Variants in SEMA3E observed in about 807,000 individuals in gnomAD.
The protein encoded by SEMA3E is semaphorin-3E.
SEMA3E carries 49 observed loss-of-function variants against 93.6 expected under a neutral mutation model. The ratio of observed to expected loss-of-function variants is 0.52; its 90% CI spans 0.42 to 0.66. The LOEUF (loss-of-function observed/expected upper bound fraction) is 0.66. Ranked by LOEUF, SEMA3E falls within the 30% of genes least tolerant of loss-of-function variation. SEMA3E has a pLI of 0.00. For synonymous variants in SEMA3E, 363 were observed against 330.7 expected (o/e 1.10, Z -1.06); for missense variants, 906 against 964.8 (o/e 0.94, Z 0.81).
intron 1 of SEMA3E, among the ~76,000 whole-genome samples, chr7:83,636,463 G>C (rs1245360212): frequency 6.6e-6 from 1 of 152,082 alleles, no homozygotes; most frequent in Non-Finnish European, 1.5e-5. Flanking sequence ...TATATAGATA[G>C]AATTAAATTC....
chr7:83,565,735 C>A (rs992572126), intron 1 of SEMA3E, among the ~76,000 whole-genome samples: 1 of 152,018 alleles, frequency 6.6e-6, no homozygotes, highest in African/African-American at 2.4e-5. Context: ...TACAGAATAA[C>A]TACATTGTCC....
At position 83,480,201 on chromosome 7, in the gene SEMA3E, G is replaced by A. The variant is rs1165805492; in HGVS notation, c.276+9913C>T. ...CACGCCTGTAATCCTAGCACTTTGA[G>A]AGACCTAGGCAGGTAGATTACCTGA... On this transcript the variant is annotated intron_variant, in intron 2 of 16. Coordinates refer to ENST00000643230, the MANE Select transcript of SEMA3E (RefSeq NM_012431.3). Among the ~76,000 whole-genome samples the A allele has an allele frequency of 2.6e-5, 4 of 152,148 alleles. No individual in the cohort carries two copies. In the South Asian group the frequency reaches 6.2e-4, roughly 24 times the overall value.
intron 1 of SEMA3E, among the ~76,000 whole-genome samples, chr7:83,637,024 G>GTC (rs1793894483): frequency 1.3e-5 from 2 of 148,926 alleles, no homozygotes; most frequent in Admixed American, 1.3e-4. Flanking sequence ...ATGTGTGAGA[G>GTC]TGTGTGTGTG....
chr7:83,629,135 A>G (rs1044657394), intron 1 of SEMA3E, among the ~76,000 whole-genome samples: 1 of 152,118 alleles, frequency 6.6e-6, no homozygotes, highest in Non-Finnish European at 1.5e-5. Context: ...TCACCAGTGG[A>G]GGCTGCAAAA....
chr7:83,566,454 C>T (rs1792158586), intron 1 of SEMA3E, among the ~76,000 whole-genome samples: 1 of 152,048 alleles, frequency 6.6e-6, no homozygotes, highest in African/African-American at 2.4e-5. Context: ...CAGAGTAGTT[C>T]ACATATTTTA....
intron 1 of SEMA3E, among the ~76,000 whole-genome samples, chr7:83,578,300 T>TG (rs1792450213): frequency 6.6e-6 from 1 of 152,122 alleles, no homozygotes; most frequent in African/African-American, 2.4e-5. Flanking sequence ...AAAGATAGAA[T>TG]CCTCCCAGCA....
Position 83,649,128 on chromosome 7 carries a change from T to C in SEMA3E, c.-586A>G, listed in dbSNP as rs1484079049. 6.5e-6 allele frequency: 1 copy of C among 154,412 alleles called. No individual in the cohort carries two copies. The highest frequency in any genetic ancestry group is 1.4e-5 in the Non-Finnish European group (1 of 69,554). 9.6% of individuals were successfully genotyped at this position (154,412 alleles called of 1,614,324 possible). A position where few individuals can be genotyped will look rare whatever the true frequency, so the allele number is the denominator to read the frequency against. On this transcript the variant is annotated 5_prime_UTR_variant, in exon 1 of 17. Transcript: ENST00000643230. ...TGTCAGTGGCTGTTTACAGGAAAGT[T>C]CAGGCAGGGTTGAGCAGCGTACTTG...
At chr7:83,646,649 A>G (rs968859588) in intron 1 of SEMA3E, among the ~76,000 whole-genome samples, 2 of 152,078 alleles carry the variant, frequency 1.3e-5, no homozygotes, top group Admixed American at 1.3e-4. Flanking sequence ...CTCACACCAT[A>G]TGACACCACT....
At chr7:83,576,993 G>T (rs1265499476) in intron 1 of SEMA3E, among the ~76,000 whole-genome samples, 5 of 151,998 alleles carry the variant, frequency 3.3e-5, no homozygotes. Context: ...TAATAAGTTT[G>T]CTTTATATCA....
intron 2 of SEMA3E, among the ~76,000 whole-genome samples, chr7:83,470,426 C>G (rs1165685913): frequency 1.3e-5 from 2 of 152,008 alleles, no homozygotes; most frequent in African/African-American, 2.4e-5. Flanking sequence ...GTACTATGTG[C>G]CAGGCATTGT....
chr7:83,631,664 C>T (rs532468593), intron 1 of SEMA3E, among the ~76,000 whole-genome samples: 264 of 152,308 alleles, frequency 1.7e-3, no homozygotes, highest in African/African-American at 6.1e-3. Flanking sequence ...ACTGTTACTA[C>T]ACATATGATC....
intron 1 of SEMA3E, among the ~76,000 whole-genome samples, chr7:83,549,401 T>C (rs565668833): frequency 1.6e-4 from 25 of 152,286 alleles, no homozygotes; most frequent in Non-Finnish European, 3.2e-4. Flanking sequence ...AGTCTGATTA[T>C]CAAATCCAAT....
chr7:83,436,324 G>A (rs2115766198), intron 4 of SEMA3E, among the ~76,000 whole-genome samples: 1 of 140,152 alleles, frequency 7.1e-6, no homozygotes, highest in African/African-American at 2.6e-5. Flanking sequence ...GGGGGAGGAA[G>A]AATAAGAAGA....
At chr7:83,431,502 T>C (rs1472470145) in intron 4 of SEMA3E, among the ~76,000 whole-genome samples, 1 of 152,024 alleles carries the variant, frequency 6.6e-6, no homozygotes, top group Non-Finnish European at 1.5e-5. Flanking sequence ...CCCTCCCAGG[T>C]TCAAGCCATT....
At chr7:83,630,981 C>T (rs970407489) in intron 1 of SEMA3E, among the ~76,000 whole-genome samples, 1 of 151,888 alleles carries the variant, frequency 6.6e-6, no homozygotes, top group African/African-American at 2.4e-5. Flanking sequence ...AATTATGTGC[C>T]TTTTTTTAAG....
At chr7:83,424,974 T>C in intron 4 of SEMA3E, 1 of 251,436 alleles carries the variant, frequency 4.0e-6, no homozygotes. Context: ...GTAGCTGATC[T>C]ACATGACAAG....
intron 4 of SEMA3E, among the ~76,000 whole-genome samples, chr7:83,452,589 T>C (rs1789388550): frequency 6.6e-6 from 1 of 152,184 alleles, no homozygotes. Context: ...AAAAGAGTGA[T>C]CCATAAGTGA....
intron 4 of SEMA3E, among the ~76,000 whole-genome samples, chr7:83,439,802 G>A (rs1789075562): frequency 6.6e-6 from 1 of 152,098 alleles, no homozygotes; most frequent in Non-Finnish European, 1.5e-5. Context: ...TATCCTTAAC[G>A]TATTTTCTTT....
Position 83,619,896 on chromosome 7 carries a change from T to TAGAC in SEMA3E, c.115+28531_115+28532insGTCT, listed in dbSNP as rs1460148925. 8.7e-4 allele frequency among the ~76,000 whole-genome samples: 104 copies of TAGAC among 119,632 alleles called. 1 individual carries two copies. The highest frequency in any genetic ancestry group is 1.4e-3 in the African/African-American group (43 of 31,126). 78.5% of individuals were successfully genotyped at this position (119,632 alleles called of 152,430 possible). On this transcript the variant is annotated intron_variant, in intron 1 of 16. Transcript: ENST00000643230. ...GATAGATAGATAGATGATAGATAGA[T>TAGAC]AGATAGACAGATAGATAGATAGATA...
Sources: allele counts gnomAD v4.1 joint callset (sites outside exome capture counted in the v4.1 genomes callset), GRCh38; gene constraint gnomAD v4.1.1; transcripts MANE v1.5; gene names NCBI Gene and HGNC (gene_info 2026-07-23, HGNC 2026-07-21).